Variants in EIF2B3 observed in about 807,000 individuals in gnomAD.
EIF2B3 encodes eukaryotic translation initiation factor 2B subunit gamma.
In EIF2B3, 20 loss-of-function variants were observed where a neutral mutation model predicts 54.1. The ratio of observed to expected loss-of-function variants is 0.37; its 90% CI spans 0.26 to 0.54. EIF2B3 has a LOEUF of 0.54. Among genes scored for constraint, EIF2B3 ranks in the 20% least tolerant of loss-of-function variants. EIF2B3 has a pLI of 0.86. For synonymous variants in EIF2B3, 153 were observed against 188.1 expected, an observed-to-expected ratio of 0.81 and a Z score of 1.52; for missense variants, 448 against 547.8, an observed-to-expected ratio of 0.82 and a Z score of 1.82.
chr1:44,851,069 CT>C (rs1553167139), intron 11 of EIF2B3, 66 bp from the exon 12 acceptor site: 82,147 of 1,032,140 alleles, frequency 0.08, no homozygotes, highest in East Asian at 0.097. Context: ...AACCCAACTG[CT>C]TTTTTTTTTT....
intron 5 of EIF2B3, among the ~76,000 whole-genome samples, chr1:44,911,032 G>A (rs1448622351): frequency 1.3e-5 from 2 of 152,014 alleles, no homozygotes; most frequent in Non-Finnish European, 2.9e-5. Context: ...CATGAAGGCC[G>A]TATCCAAGAT....
chr1:44,917,941 T>C (rs1344188691), intron 5 of EIF2B3, among the ~76,000 whole-genome samples: 1 of 150,478 alleles, frequency 6.6e-6, no homozygotes, highest in Non-Finnish European at 1.5e-5. Flanking sequence ...GCCCGGCTAA[T>C]TTTTTGTATT....
chr1:44,980,083 C>T (rs1042450010), intron 2 of EIF2B3, among the ~76,000 whole-genome samples: 15 of 152,090 alleles, frequency 9.9e-5, no homozygotes, highest in Non-Finnish European at 2.9e-5. Flanking sequence ...GCTTTGGCAC[C>T]CTGATTTATT....
chr1:44,904,466 C>A (rs1227583285), intron 5 of EIF2B3, among the ~76,000 whole-genome samples: 4 of 152,164 alleles, frequency 2.6e-5, no homozygotes, highest in African/African-American at 4.8e-5. Context: ...GCAACATAAA[C>A]AACTCCTCTA....
intron 3 of EIF2B3, among the ~76,000 whole-genome samples, chr1:44,945,686 C>T (rs772640885): frequency 6.6e-6 from 1 of 151,760 alleles, no homozygotes; most frequent in Non-Finnish European, 1.5e-5. Flanking sequence ...AAACAGCCTG[C>T]AGAATCCTAC....
intron 4 of EIF2B3, among the ~76,000 whole-genome samples, chr1:44,939,728 TAA>T (rs148530036): frequency 0.034 from 5,119 of 152,092 alleles, 264 homozygotes; most frequent in African/African-American, 0.12. Context: ...AAACTATATA[TAA>T]AGTGTATTAA....
intron 5 of EIF2B3, among the ~76,000 whole-genome samples, chr1:44,903,150 C>T (rs1471055583): frequency 2.0e-5 from 3 of 152,100 alleles, no homozygotes; most frequent in Admixed American, 2.0e-4. Context: ...GTACCATGAA[C>T]ACTGTACAAA....
intron 3 of EIF2B3, among the ~76,000 whole-genome samples, chr1:44,943,407 TC>T (rs1644061137): frequency 6.6e-6 from 1 of 151,344 alleles, no homozygotes; most frequent in Non-Finnish European, 1.5e-5. Flanking sequence ...TATATCTATA[TC>T]TATATCTATA....
chr1:44,960,768 GC>G (rs1644277295), intron 3 of EIF2B3, among the ~76,000 whole-genome samples: 2 of 152,182 alleles, frequency 1.3e-5, no homozygotes, highest in Admixed American at 1.3e-4. Context: ...CAAATACCAT[GC>G]CATTTTATAA....
chr1:44,978,061 A>G (rs963325704), intron 3 of EIF2B3, among the ~76,000 whole-genome samples: 1 of 152,074 alleles, frequency 6.6e-6, no homozygotes, highest in Non-Finnish European at 1.5e-5. Context: ...CCAACATCCC[A>G]TCTATACTAA....
intron 11 of EIF2B3, 37 bp from the exon 12 acceptor site, chr1:44,851,040 G>A: frequency 6.2e-7 from 1 of 1,604,316 alleles, no homozygotes; most frequent in Non-Finnish European, 8.5e-7. Flanking sequence ...CTGAGAACTG[G>A]CAGCAAGATG....
Position 44,978,396 on chromosome 1 carries a change from C to T in EIF2B3, c.213G>A (p.Met71Ile). ...CAGGAATACACACAATATCTGGCTT[C>T]ATTTTCATCTTGAATTCTGCACATA... is the stretch of plus-strand genomic sequence containing the variant. The part of the protein sequence containing the change: ...KALCAEFKMK[M>I]KPDIVCIPDD... Residue 71 changes from methionine (M) to isoleucine (I), a missense_variant, in exon 3 of 12, where the codon ATG (methionine) becomes ATA (isoleucine). Met to Ile is a conservative substitution (Grantham distance 10). Transcript: ENST00000360403. 4 of 1,614,012 alleles carry T rather than the reference C, an allele frequency of 2.5e-6. No homozygotes were observed. The highest frequency in any genetic ancestry group is 3.4e-6 in the Non-Finnish European group (4 of 1,180,020).
At chr1:44,859,335 A>C (rs543757765) in intron 10 of EIF2B3, among the ~76,000 whole-genome samples, 1 of 151,770 alleles carries the variant, frequency 6.6e-6, no homozygotes, top group South Asian at 2.1e-4. Context: ...AAAGACTGCC[A>C]GGTTGGAGGA....
At chr1:44,902,877 C>CTGCCTGCT (rs1251728683) in intron 5 of EIF2B3, among the ~76,000 whole-genome samples, 2 of 145,336 alleles carry the variant, frequency 1.4e-5, no homozygotes, top group Non-Finnish European at 3.0e-5. Context: ...AAAGAAGCGG[C>CTGCCTGCT]TGCCTGCTTT....
intron 5 of EIF2B3, among the ~76,000 whole-genome samples, chr1:44,904,996 T>C (rs556804148): frequency 6.6e-6 from 1 of 152,322 alleles, no homozygotes; most frequent in African/African-American, 2.4e-5. Context: ...TACTACTTAC[T>C]AGCTACCTAT....
At chr1:44,939,520 T>C (rs1228103771) in intron 4 of EIF2B3, among the ~76,000 whole-genome samples, 1 of 152,252 alleles carries the variant, frequency 6.6e-6, no homozygotes, top group African/African-American at 2.4e-5. Context: ...AAATTTCAAA[T>C]GTTCTCACCA....
rs1557668879 is a variant in EIF2B3, at chr1:44,881,799, A to C, written c.657-60T>G. ...GACTGTCTGGAACATACCCGGATCA[A>C]AAGCTCTGTGCATACAAGGAAAAGC... On this transcript the variant is annotated intron_variant, in intron 6 of 11. Coordinates refer to ENST00000360403, the MANE Select transcript of EIF2B3 (RefSeq NM_020365.5). The surrounding 1 kb of genome is among the most constrained non-coding windows in gnomAD (Gnocchi z 4.0). The C allele has an allele frequency of 1.9e-6, 3 of 1,604,746 alleles. No homozygotes were observed. In the East Asian group the frequency reaches 6.8e-5, roughly 36 times the overall value.
At chr1:44,893,559 G>T (rs1557674161) in intron 6 of EIF2B3, among the ~76,000 whole-genome samples, 2 of 152,184 alleles carry the variant, frequency 1.3e-5, no homozygotes, top group Non-Finnish European at 2.9e-5. Context: ...TCTATAATAT[G>T]AGTATAATAC....
intron 10 of EIF2B3, among the ~76,000 whole-genome samples, chr1:44,872,477 T>A (rs934803440): frequency 1.3e-5 from 2 of 151,822 alleles, no homozygotes; most frequent in Admixed American, 6.6e-5. Context: ...AAAATCCCCA[T>A]CTCTATAAAA....
Sources: gnomAD v4.1 joint callset for allele counts (sites outside exome capture counted in the v4.1 genomes callset) on GRCh38, gnomAD v4.1.1 for gene constraint, Gnocchi (gnomAD v3.1) non-coding constraint, MANE v1.5 for transcripts, NCBI Gene and HGNC (gene_info 2026-07-23, HGNC 2026-07-21) for gene names.